The following MRRF variants were observed in gnomAD, a reference collection of about 807,000 sequenced individuals.
The protein encoded by MRRF is mitochondrial ribosome recycling factor.
In MRRF, 18 loss-of-function variants were observed where a neutral mutation model predicts 25.1. That is an observed-to-expected ratio of 0.72 (90% CI 0.50 to 1.06). MRRF has a LOEUF of 1.06. MRRF is among the 50% of genes least tolerant of loss of function. MRRF has a pLI of 0.00. For missense variants in MRRF, 323 were observed against 319.3 expected, an observed-to-expected ratio of 1.01 and a Z score of -0.09; for synonymous variants, 113 against 112.1, an observed-to-expected ratio of 1.01 and a Z score of -0.05.
At chr9:122,265,757 TG>T (rs1328977339) in intron 1 of MRRF, 3 of 1,288,950 alleles carry the variant, frequency 2.3e-6, no homozygotes, top group African/African-American at 3.0e-5. Context: ...TGAATCTAAA[TG>T]GCAGATGGCA....
intron 3 of MRRF, among the ~76,000 whole-genome samples, chr9:122,281,681 C>T (rs978792008): frequency 6.6e-6 from 1 of 152,172 alleles, no homozygotes; most frequent in African/African-American, 2.4e-5. Flanking sequence ...GGCCTGTTAA[C>T]ATTCTGCAGC....
Position 122,327,107 on chromosome 9 carries a change from T to A in MRRF, c.*4490T>A, listed in dbSNP as rs910137865. 6.6e-6 allele frequency: 1 copy of A among 152,170 alleles called. No homozygotes were observed. The highest frequency in any genetic ancestry group is 2.4e-5 in the African/African-American group (1 of 41,436). The allele number at this position is 152,170 out of a possible 1,614,324, so 9.4% of individuals were successfully genotyped here. ...TCCTAATTAATGACTGCAAGTAAAA[T>A]AGCATAGTACCTGGCACATTGTAAA... On this transcript the variant is annotated 3_prime_UTR_variant, in exon 7 of 7. Coordinates refer to ENST00000344641, the MANE Select transcript of MRRF (RefSeq NM_138777.5).
At chr9:122,312,270 C>T (rs1285841495) in intron 5 of MRRF, among the ~76,000 whole-genome samples, 1 of 152,154 alleles carries the variant, frequency 6.6e-6, no homozygotes, top group Admixed American at 6.5e-5. Context: ...TGAAGTAACA[C>T]ACTTAAAGTA....
At chr9:122,267,380 C>CAA (rs892711250) in intron 1 of MRRF, among the ~76,000 whole-genome samples, 1,297 of 71,342 alleles carry the variant, frequency 0.018, 23 homozygotes, top group African/African-American at 0.049. Flanking sequence ...GACTCTGTCT[C>CAA]AAAAAAAAAA....
At chr9:122,313,721 T>C (rs994590780) in intron 6 of MRRF, among the ~76,000 whole-genome samples, 2 of 152,182 alleles carry the variant, frequency 1.3e-5, no homozygotes, top group Non-Finnish European at 2.9e-5. Context: ...TGGAAATTGG[T>C]AGAAATCGGA....
At chr9:122,314,521 T>G (rs1049554805) in intron 6 of MRRF, among the ~76,000 whole-genome samples, 4 of 152,220 alleles carry the variant, frequency 2.6e-5, no homozygotes, top group African/African-American at 9.6e-5. Context: ...CCTTAATCAC[T>G]TGGGTAGCTT....
chr9:122,271,111 T>A, intron 2 of MRRF, 36 bp downstream of exon 2: 1 of 1,565,246 alleles, frequency 6.4e-7, no homozygotes, highest in Non-Finnish European at 8.8e-7. Flanking sequence ...ACTTCACCCC[T>A]TTCTTATAGT....
chr9:122,274,875 TG>T (rs890084223), intron 2 of MRRF, among the ~76,000 whole-genome samples: 2 of 152,104 alleles, frequency 1.3e-5, no homozygotes, highest in Admixed American at 6.5e-5. Context: ...CTCTCTTTTT[TG>T]CAATTTTATG....
intron 2 of MRRF, among the ~76,000 whole-genome samples, chr9:122,275,797 T>G (rs779647690): frequency 6.6e-6 from 1 of 152,214 alleles, no homozygotes; most frequent in Non-Finnish European, 1.5e-5. Context: ...TATGCCACTT[T>G]ATACACAAAC....
rs182535302 is a variant in MRRF, at chr9:122,325,038, G to A, written c.*2421G>A. The A allele has an allele frequency of 8.6e-4, 131 of 152,320 alleles. 1 individual carries two copies. Among genetic ancestry groups the A allele is most frequent in the African/African-American group, 3.0e-3 (125 of 41,564 alleles). 9.4% of individuals were successfully genotyped at this position (152,320 alleles called of 1,614,324 possible). On this transcript the variant is annotated 3_prime_UTR_variant, in exon 7 of 7. Transcript: ENST00000344641. ...CCGAAATCCCCCACTCACTGCAAAT[G>A]TGCTTCTCAAAGATGCAGGATTTTT...
chr9:122,273,118 T>C (rs1832561524), intron 2 of MRRF, among the ~76,000 whole-genome samples: 1 of 152,224 alleles, frequency 6.6e-6, no homozygotes, highest in Non-Finnish European at 1.5e-5. Context: ...TCCTTTTCTA[T>C]ATGAAATTTA....
At chr9:122,268,112 T>TA (rs1441515993) in intron 1 of MRRF, among the ~76,000 whole-genome samples, 4 of 152,246 alleles carry the variant, frequency 2.6e-5, no homozygotes, top group Non-Finnish European at 5.9e-5. Context: ...TGTATACCCT[T>TA]AAGGTAAAGG....
At chr9:122,294,117 C>T (rs975126347) in intron 5 of MRRF, among the ~76,000 whole-genome samples, 7 of 152,178 alleles carry the variant, frequency 4.6e-5, no homozygotes, top group African/African-American at 1.7e-4. Flanking sequence ...GTCACTTAAC[C>T]TCCCTGAGCC....
At chr9:122,307,706 G>A (rs2118924585) in intron 5 of MRRF, among the ~76,000 whole-genome samples, 1 of 152,162 alleles carries the variant, frequency 6.6e-6, no homozygotes, top group East Asian at 1.9e-4. Flanking sequence ...AGTTTGGAGA[G>A]GCTGAATAGC....
chr9:122,309,158 C>T (rs1347921227), intron 5 of MRRF, among the ~76,000 whole-genome samples: 2 of 152,140 alleles, frequency 1.3e-5, no homozygotes, highest in African/African-American at 4.8e-5. Context: ...GTGAGTCTGG[C>T]ATATTTCACT....
At chr9:122,322,345 A>C (rs1318449042) in intron 6 of MRRF, among the ~76,000 whole-genome samples, 195 bp from the exon 7 acceptor site, 4 of 152,092 alleles carry the variant, frequency 2.6e-5, no homozygotes, top group African/African-American at 9.7e-5. Context: ...CCTGGGCGAC[A>C]GAGCGAGACT....
chr9:122,271,889 A>G (rs1259573306), intron 2 of MRRF, among the ~76,000 whole-genome samples: 1 of 152,174 alleles, frequency 6.6e-6, no homozygotes, highest in African/African-American at 2.4e-5. Flanking sequence ...CGCTAGATAT[A>G]TGCTGCTGAA....
intron 2 of MRRF, among the ~76,000 whole-genome samples, chr9:122,277,637 G>A (rs1396824688): frequency 1.3e-5 from 2 of 152,042 alleles, no homozygotes; most frequent in East Asian, 1.9e-4. Context: ...CGCAACCTCC[G>A]CCTCTCAGGT....
At position 122,322,841 on chromosome 9, in the gene MRRF, C is replaced by T; in HGVS notation, c.*224C>T. On this transcript the variant is annotated 3_prime_UTR_variant, in exon 7 of 7. Transcript: ENST00000344641. ...GGTGGCTCTCAGAAAATACTTGCTGCTGGCAAAAGGCCTGTACTCAGGCAT... is the reference window on the plus strand; with the variant it reads ...GGTGGCTCTCAGAAAATACTTGCTGTTGGCAAAAGGCCTGTACTCAGGCAT... The T allele has an allele frequency of 1.6e-6, 1 of 614,718 alleles. No homozygotes were observed. Among genetic ancestry groups the T allele is most frequent in the Non-Finnish European group, 2.9e-6 (1 of 341,658 alleles). 38.1% of individuals were successfully genotyped at this position (614,718 alleles called of 1,614,324 possible).
Sources: allele counts gnomAD v4.1 joint callset (sites outside exome capture counted in the v4.1 genomes callset), GRCh38; gene constraint gnomAD v4.1.1; transcripts MANE v1.5; gene names NCBI Gene and HGNC (gene_info 2026-07-23, HGNC 2026-07-21).